Variants in AREL1 observed in about 807,000 individuals in gnomAD.
AREL1 encodes the protein apoptosis-resistant E3 ubiquitin protein ligase 1.
Under a neutral mutation model 99.0 loss-of-function variants are expected in AREL1, and 62 were observed. The observed-to-expected ratio is 0.63, with a 90% CI of 0.51 to 0.77. The LOEUF (loss-of-function observed/expected upper bound fraction) is 0.77. Ranked by LOEUF, AREL1 falls within the 30% of genes least tolerant of loss-of-function variation. The pLI is 0.00. For missense variants in AREL1, 879 were observed against 1,027.6 expected, an observed-to-expected ratio of 0.86 and a Z score of 1.98; for synonymous variants, 380 against 376.5, an observed-to-expected ratio of 1.01 and a Z score of -0.11.
intron 9 of AREL1, among the ~76,000 whole-genome samples, chr14:74,673,733 A>C (rs550060744): frequency 9.4e-4 from 143 of 152,368 alleles, no homozygotes; most frequent in Non-Finnish European, 1.6e-3. Flanking sequence ...CTGGGAGACC[A>C]AGCTTGGGCC....
Position 74,675,867 on chromosome 14 carries a change from A to G in AREL1, c.912T>C (p.Ala304=), listed in dbSNP as rs372098960. The part of the protein sequence containing the change: ...SIYFEAYLYN[A]TNCSSTPWHL... The stretch of plus-strand genomic sequence containing the variant: ...GCCATGGAGTGCTGCTACAGTTGGT[A>G]GCATTATAAAGATAAGCCTCAAAGT... Residue 304 remains alanine (A), a synonymous_variant, in exon 8 of 20, where the codon GCT becomes GCC. Transcript: ENST00000356357. 8 of 1,614,034 alleles carry G rather than the reference A, an allele frequency of 5.0e-6. No individual in the cohort carries two copies. Among genetic ancestry groups the G allele is most frequent in the Non-Finnish European group, 5.1e-6 (6 of 1,180,008 alleles).
At chr14:74,689,013 T>A (rs1035840367) in intron 2 of AREL1, among the ~76,000 whole-genome samples, 6 of 138,236 alleles carry the variant, frequency 4.3e-5, no homozygotes, top group Non-Finnish European at 9.5e-5. Context: ...ATTTTTTGTA[T>A]TTTTTTTTTT....
rs766865552 is a variant in AREL1 at position 74,670,061 on chromosome 14, G to A, written c.1674C>T (p.Leu558=). 10 of 1,613,882 alleles carry A rather than the reference G, an allele frequency of 6.2e-6. No individual in the cohort carries two copies. Among genetic ancestry groups the A allele is most frequent in the East Asian group, 4.5e-5 (2 of 44,880 alleles). ...AGGACTCATAGAGACACTTGCCCACGAGCCGTCCCGCAAACTCATACATTT... is the reference window on the plus strand; with the variant it reads ...AGGACTCATAGAGACACTTGCCCACAAGCCGTCCCGCAAACTCATACATTT... The part of the protein sequence containing the change: ...RLKMYEFAGR[L]VGKCLYESSL... The change falls in exon 14 of 20, where the codon CTC becomes CTT. Residue 558 remains leucine (L), a synonymous_variant. Transcript: ENST00000356357.
In AREL1 at chr14:74,663,630, ATGTG is replaced by A; in HGVS notation, c.*86_*89del. 7.8e-7 allele frequency: 1 copy of A among 1,277,878 alleles called. No homozygotes were observed. The highest frequency in any genetic ancestry group is 1.1e-6 in the Non-Finnish European group (1 of 877,230). The allele number at this position is 1,277,878 out of a possible 1,614,324, so 79.2% of individuals were successfully genotyped here. ...ATGCGGCATCTTCTGGCTGATGGTTATGTGTGTTAGGATCAGTGGTTATGATGTC... is the reference window on the plus strand; with the variant it reads ...ATGCGGCATCTTCTGGCTGATGGTTATGTTAGGATCAGTGGTTATGATGTC... On this transcript the variant is annotated 3_prime_UTR_variant, in exon 20 of 20. Coordinates refer to ENST00000356357, the MANE Select transcript of AREL1 (RefSeq NM_001039479.2).
chr14:74,669,694 C>T lies in AREL1; in HGVS notation c.1869G>A (p.Leu623=), dbSNP rs1254886006. 1 of 1,614,116 alleles carries T rather than the reference C, an allele frequency of 6.2e-7. No homozygotes were observed. Among genetic ancestry groups the T allele is most frequent in the East Asian group, 2.2e-5 (1 of 44,874 alleles). Residue 623 remains leucine (L), a synonymous_variant, in exon 15 of 20, where the codon CTG becomes CTA. Transcript: ENST00000356357. ...TATTATATTTCTCTTCTGCAAAGACCAGCTCCATCTCACTCATGTCATTGT... is the reference window on the plus strand; with the variant it reads ...TATTATATTTCTCTTCTGCAAAGACTAGCTCCATCTCACTCATGTCATTGT... ...ILNNDMSEME[L]VFAEEKYNKS...
chr14:74,689,336 T>C (rs1271899645), intron 2 of AREL1, among the ~76,000 whole-genome samples: 3 of 152,174 alleles, frequency 2.0e-5, no homozygotes, highest in Non-Finnish European at 4.4e-5. Context: ...TCCTATGATC[T>C]ATCCAAATTA....
At chr14:74,698,697 G>GA (rs1439834164) in intron 1 of AREL1, 1 of 157,992 alleles carries the variant, frequency 6.3e-6, no homozygotes, top group African/African-American at 2.4e-5. Flanking sequence ...TGTGCAAGTG[G>GA]AAAAGCAGAG....
chr14:74,700,356 A>G (rs1303014962), intron 1 of AREL1, among the ~76,000 whole-genome samples: 2 of 152,232 alleles, frequency 1.3e-5, no homozygotes, highest in Non-Finnish European at 2.9e-5. Context: ...GAGTCAAGCA[A>G]TGTGATTCCA....
intron 1 of AREL1, among the ~76,000 whole-genome samples, chr14:74,707,846 A>G (rs1213552139): frequency 6.7e-6 from 1 of 148,822 alleles, no homozygotes; most frequent in Non-Finnish European, 1.5e-5. Context: ...AGTCCCAGCT[A>G]CTTGGGAGGC....
intron 11 of AREL1, among the ~76,000 whole-genome samples, chr14:74,672,508 G>C (rs534527484): frequency 1.3e-5 from 2 of 152,260 alleles, no homozygotes; most frequent in Non-Finnish European, 2.9e-5. Context: ...AGGCTGAGGC[G>C]GGTGTATCAC....
At chr14:74,681,136 T>G (rs1390420208) in intron 5 of AREL1, among the ~76,000 whole-genome samples, 1 of 152,072 alleles carries the variant, frequency 6.6e-6, no homozygotes, top group African/African-American at 2.4e-5. Context: ...CAGTGAGCCA[T>G]GATCCTGCCA....
chr14:74,662,797 T>C lies in AREL1; in HGVS notation c.*923A>G, dbSNP rs184914086. ...TACTATTCTTACTGTTCTAATCTTT[T>C]GCTACAAAATTTTCTTCAGTAGAAT... is the stretch of plus-strand genomic sequence containing the variant. On this transcript the variant is annotated 3_prime_UTR_variant, in exon 20 of 20. Coordinates refer to ENST00000356357, the MANE Select transcript of AREL1 (RefSeq NM_001039479.2). 146 of 392,132 alleles carry C rather than the reference T, an allele frequency of 3.7e-4. No individual in the cohort carries two copies. Among genetic ancestry groups the C allele is most frequent in the Admixed American group, 7.5e-4 (17 of 22,532 alleles). The allele number at this position is 392,132 out of a possible 1,614,324, so 24.3% of individuals were successfully genotyped here. A position where few individuals can be genotyped will look rare whatever the true frequency, so the allele number is the denominator to read the frequency against.
chr14:74,700,736 T>C (rs1226662992), intron 1 of AREL1, among the ~76,000 whole-genome samples: 1 of 152,206 alleles, frequency 6.6e-6, no homozygotes, highest in Non-Finnish European at 1.5e-5. Context: ...GCTGAGATCA[T>C]GCTACTGCAC....
chr14:74,702,368 G>C (rs903300205), intron 1 of AREL1, among the ~76,000 whole-genome samples: 1 of 152,200 alleles, frequency 6.6e-6, no homozygotes, highest in Non-Finnish European at 1.5e-5. Flanking sequence ...GCACCCACAG[G>C]CTCAACATCA....
At chr14:74,664,632 T>TG (rs60032703) in intron 18 of AREL1, among the ~76,000 whole-genome samples, 50 of 147,578 alleles carry the variant, frequency 3.4e-4, no homozygotes, top group South Asian at 2.4e-3. Flanking sequence ...TTTTTTTTTT[T>TG]GTATTGTTAG....
rs1322246776 is a variant in AREL1, at chr14:74,661,352, G to T, written c.*2368C>A. 2.2e-6 allele frequency: 1 copy of T among 456,268 alleles called. No individual in the cohort carries two copies. Among genetic ancestry groups the T allele is most frequent in the South Asian group, 1.5e-5 (1 of 64,526 alleles). 28.3% of individuals were successfully genotyped at this position (456,268 alleles called of 1,614,324 possible). A position where few individuals can be genotyped will look rare whatever the true frequency, so the allele number is the denominator to read the frequency against. On this transcript the variant is annotated 3_prime_UTR_variant, in exon 20 of 20. Coordinates refer to ENST00000356357, the MANE Select transcript of AREL1 (RefSeq NM_001039479.2). The stretch of plus-strand genomic sequence containing the variant: ...CCTGGCCTGACGAATCTGCAGCAGG[G>T]CTTGGTCTCTGCCAATTTTCCAGAA...
intron 8 of AREL1, among the ~76,000 whole-genome samples, chr14:74,675,149 A>G (rs1431991808): frequency 6.6e-6 from 1 of 152,228 alleles, no homozygotes; most frequent in African/African-American, 2.4e-5. Flanking sequence ...TCATTTATTC[A>G]CTTACCCATT....
chr14:74,701,291 T>C (rs541722262), intron 1 of AREL1, among the ~76,000 whole-genome samples: 11 of 152,302 alleles, frequency 7.2e-5, no homozygotes, highest in Admixed American at 7.2e-4. Context: ...AATTTCATGC[T>C]GCTGTTAAAG....
chr14:74,706,024 C>G (rs1442635261), intron 1 of AREL1, among the ~76,000 whole-genome samples: 1 of 152,220 alleles, frequency 6.6e-6, no homozygotes, highest in Non-Finnish European at 1.5e-5. Context: ...ATCCATGTCA[C>G]TGTCCCATTC....
Sources: gnomAD v4.1 joint callset for allele counts (sites outside exome capture counted in the v4.1 genomes callset) on GRCh38, gnomAD v4.1.1 for gene constraint, MANE v1.5 for transcripts, NCBI Gene and HGNC (gene_info 2026-07-23, HGNC 2026-07-21) for gene names.